ZNF407: variants seen among roughly 807,000 people sequenced by gnomAD.
ZNF407 encodes zinc finger protein 407.
A neutral mutation model predicts 131.2 loss-of-function variants in ZNF407; 17 were observed. That is an observed-to-expected ratio of 0.13 (90% CI 0.09 to 0.19). The LOEUF (loss-of-function observed/expected upper bound fraction) is 0.19. ZNF407 is among the 10% of genes least tolerant of loss of function. The probability of loss-of-function intolerance (pLI) is 1.00; values close to 1 mark genes in which losing one functional copy is unlikely to be tolerated. For missense variants in ZNF407, 2,681 were observed against 2,830.6 expected (o/e 0.95, Z 1.20); for synonymous variants, 1,156 against 1,062.0 (o/e 1.09, Z -1.72).
intron 3 of ZNF407, among the ~76,000 whole-genome samples, chr18:74,642,549 T>A (rs1187941436): frequency 1.3e-5 from 2 of 152,130 alleles, no homozygotes. Flanking sequence ...TTAATTAGGG[T>A]TACTAAGACC....
At chr18:74,642,909 A>G (rs1033053370) in intron 3 of ZNF407, among the ~76,000 whole-genome samples, 2 of 152,072 alleles carry the variant, frequency 1.3e-5, no homozygotes, top group African/African-American at 4.8e-5. Context: ...TTCTCTTTGT[A>G]TTTTTACAAT....
At chr18:74,986,490 A>T (rs1972654179) in intron 8 of ZNF407, among the ~76,000 whole-genome samples, 1 of 152,226 alleles carries the variant, frequency 6.6e-6, no homozygotes, top group Admixed American at 6.5e-5. Flanking sequence ...CTAGTGTATT[A>T]TATGAAAATT....
intron 3 of ZNF407, among the ~76,000 whole-genome samples, chr18:74,706,982 C>T (rs374803585): frequency 1.4e-5 from 2 of 145,492 alleles, no homozygotes; most frequent in Admixed American, 1.4e-4. Flanking sequence ...TGGAGTCTCA[C>T]GCATTGTCGC....
At chr18:74,978,029 ACTTATGGCAC>A (rs2145310400) in intron 8 of ZNF407, among the ~76,000 whole-genome samples, 1 of 152,246 alleles carries the variant, frequency 6.6e-6, no homozygotes, top group Non-Finnish European at 1.5e-5. Flanking sequence ...TTTTTTCTGC[ACTTATGGCAC>A]CTTTTGTCTT....
At chr18:74,691,095 A>G (rs1422477188) in intron 3 of ZNF407, among the ~76,000 whole-genome samples, 1 of 152,012 alleles carries the variant, frequency 6.6e-6, no homozygotes, top group Admixed American at 6.5e-5. Flanking sequence ...CGTGGCCAAC[A>G]TGGTGAAATC....
chr18:75,040,380 G>A (rs758379335), intron 8 of ZNF407, among the ~76,000 whole-genome samples: 18 of 152,110 alleles, frequency 1.2e-4, no homozygotes, highest in Non-Finnish European at 1.6e-4. Flanking sequence ...GATTCCCCAT[G>A]TTTAATATAC....
chr18:74,602,604 A>G (rs1475632582), intron 1 of ZNF407, among the ~76,000 whole-genome samples: 1 of 152,116 alleles, frequency 6.6e-6, no homozygotes, highest in African/African-American at 2.4e-5. Flanking sequence ...CTTTTGAGGT[A>G]TATACTACAT....
At chr18:74,769,701 T>G (rs911503547) in intron 3 of ZNF407, among the ~76,000 whole-genome samples, 1 of 152,254 alleles carries the variant, frequency 6.6e-6, no homozygotes, top group Non-Finnish European at 1.5e-5. Flanking sequence ...TGCAGGTTTT[T>G]GCATGTGGGA....
chr18:75,023,116 G>A (rs1335575485), intron 8 of ZNF407, among the ~76,000 whole-genome samples: 1 of 152,078 alleles, frequency 6.6e-6, no homozygotes, highest in African/African-American at 2.4e-5. Flanking sequence ...ACTTACAAGT[G>A]AGAACTGAAC....
At chr18:75,013,208 CAT>C (rs745723097) in intron 8 of ZNF407, among the ~76,000 whole-genome samples, 6 of 152,058 alleles carry the variant, frequency 3.9e-5, no homozygotes, top group Non-Finnish European at 5.9e-5. Context: ...GATGCGGTGA[CAT>C]GTGGGCAATT....
chr18:74,736,486 T>C (rs1968415583), intron 3 of ZNF407, among the ~76,000 whole-genome samples: 2 of 152,188 alleles, frequency 1.3e-5, no homozygotes, highest in African/African-American at 2.4e-5. Context: ...GTGGGCTTCA[T>C]TGAGTCCTAG....
chr18:74,980,636 A>G (rs1972581185), intron 8 of ZNF407, among the ~76,000 whole-genome samples: 1 of 152,154 alleles, frequency 6.6e-6, no homozygotes, highest in Admixed American at 6.5e-5. Flanking sequence ...CTCTACTAAG[A>G]ATTCTTTACT....
chr18:74,805,387 C>T (rs1458348932), intron 4 of ZNF407, among the ~76,000 whole-genome samples: 1 of 152,174 alleles, frequency 6.6e-6, no homozygotes, highest in East Asian at 1.9e-4. Flanking sequence ...TCCAGTTGAA[C>T]TGTCACAATA....
chr18:75,031,337 A>G (rs1018296160), intron 8 of ZNF407, among the ~76,000 whole-genome samples: 10 of 152,238 alleles, frequency 6.6e-5, no homozygotes, highest in Non-Finnish European at 1.5e-4. Context: ...CTTTTGTTTA[A>G]CTGATTTTTT....
chr18:75,059,554 CAT>C (rs1236370942), intron 8 of ZNF407, among the ~76,000 whole-genome samples: 1 of 152,052 alleles, frequency 6.6e-6, no homozygotes, highest in African/African-American at 2.4e-5. Flanking sequence ...TCAAGGTTGA[CAT>C]GTGAAGATGG....
intron 4 of ZNF407, among the ~76,000 whole-genome samples, chr18:74,805,721 C>A (rs1970099019): frequency 6.6e-6 from 1 of 152,184 alleles, no homozygotes; most frequent in Non-Finnish European, 1.5e-5. Context: ...GTTAAAGGGT[C>A]TCCACCTGGT....
intron 3 of ZNF407, among the ~76,000 whole-genome samples, chr18:74,754,832 C>T (rs182064599): frequency 3.9e-5 from 6 of 152,186 alleles, no homozygotes; most frequent in Admixed American, 6.5e-5. Flanking sequence ...TCTGTTGATT[C>T]GGGGTGGAGA....
chr18:74,650,791 T>C (rs1220868282), intron 3 of ZNF407, among the ~76,000 whole-genome samples: 2 of 152,204 alleles, frequency 1.3e-5, no homozygotes, highest in Admixed American at 1.3e-4. Context: ...ACTGGCTTTA[T>C]AGTAATGTCA....
intron 3 of ZNF407, among the ~76,000 whole-genome samples, chr18:74,763,861 T>C (rs993254117): frequency 1.5e-4 from 22 of 150,832 alleles, no homozygotes; most frequent in Non-Finnish European, 2.4e-4. Flanking sequence ...AGGCGCCCGC[T>C]ACCACGCCCG....
Sources: gnomAD v4.1 joint callset for allele counts (sites outside exome capture counted in the v4.1 genomes callset) on GRCh38, gnomAD v4.1.1 for gene constraint, MANE v1.5 for transcripts, NCBI Gene and HGNC (gene_info 2026-07-23, HGNC 2026-07-21) for gene names.